The following CCDC169 variants were observed in gnomAD, a reference collection of about 807,000 sequenced individuals.
The protein encoded by CCDC169 is coiled-coil domain containing 169.
CCDC169 carries 30 observed loss-of-function variants against 36.0 expected under a neutral mutation model. The observed-to-expected ratio is 0.83, with a 90% CI of 0.62 to 1.13. CCDC169 has a LOEUF of 1.13. CCDC169 is among the 50% of genes most tolerant of loss of function. The pLI, the probability that CCDC169 is intolerant of heterozygous loss-of-function variation, is 0.00. For synonymous variants in CCDC169, 85 were observed against 81.5 expected (o/e 1.04, Z -0.23); for missense variants, 245 against 245.9 (o/e 1.00, Z 0.03).
intron 7 of CCDC169, among the ~76,000 whole-genome samples, chr13:36,241,678 G>T (rs1198561835): frequency 2.0e-5 from 3 of 152,140 alleles, no homozygotes; most frequent in Admixed American, 6.5e-5. Context: ...GAATAAAGCT[G>T]CTATGAACAT....
At chr13:36,241,743 T>A (rs1408259422) in intron 7 of CCDC169, among the ~76,000 whole-genome samples, 2 of 152,150 alleles carry the variant, frequency 1.3e-5, no homozygotes, top group Non-Finnish European at 2.9e-5. Context: ...ATTACTGGAA[T>A]TGTTGGGTTA....
At chr13:36,295,663 A>G (rs887505193) in intron 2 of CCDC169, 115 bp downstream of exon 2, 9 of 518,272 alleles carry the variant, frequency 1.7e-5, no homozygotes, top group Middle Eastern at 3.2e-4. Flanking sequence ...CCAAAAAGCA[A>G]TACTGAAATG....
At chr13:36,273,412 G>A (rs1014528191) in intron 4 of CCDC169, among the ~76,000 whole-genome samples, 6 of 152,224 alleles carry the variant, frequency 3.9e-5, no homozygotes, top group African/African-American at 9.6e-5. Flanking sequence ...TGTGAGATAG[G>A]AGCATGTAAG....
Position 36,297,681 on chromosome 13 carries a change from G to A in CCDC169, c.39C>T (p.Ser13=), listed in dbSNP as rs1879705735. 6.4e-7 allele frequency: 1 copy of A among 1,551,304 alleles called. No individual in the cohort carries two copies. The highest frequency in any genetic ancestry group is 8.7e-7 in the Non-Finnish European group (1 of 1,147,004). ...EERNYNFDGV[S]TNRLKQQLLE... is the part of the protein sequence containing the mutation. ...GCAACTGCTGTTTCAGGCGGTTGGT[G>A]CTCACACCGTCGAAGTTGTAGTTTC... Residue 13 remains serine, a synonymous_variant, in exon 1 of 8, where the codon AGC becomes AGT. Coordinates refer to ENST00000239859, the MANE Select transcript of CCDC169 (RefSeq NM_001144981.3).
In CCDC169 at chr13:36,271,650, C is replaced by T. The variant is rs114530979; in HGVS notation, c.315+11819G>A. 1.6e-3 allele frequency among the ~76,000 whole-genome samples: 238 copies of T among 152,214 alleles called. 1 individual carries two copies. Among genetic ancestry groups the T allele is most frequent in the African/African-American group, 5.5e-3 (228 of 41,526 alleles). Reference sequence around the variant, plus strand: ...AAGGGTAATATTCTAAGTGAAGTAACACAGGAGTAGAAAACCAAACACCGT... The same window carrying T: ...AAGGGTAATATTCTAAGTGAAGTAATACAGGAGTAGAAAACCAAACACCGT... On this transcript the variant is annotated intron_variant, in intron 4 of 7. Coordinates refer to ENST00000239859, the MANE Select transcript of CCDC169 (RefSeq NM_001144981.3).
intron 4 of CCDC169, among the ~76,000 whole-genome samples, chr13:36,255,813 A>T (rs1294048733): frequency 6.6e-6 from 1 of 152,180 alleles, no homozygotes; most frequent in Non-Finnish European, 1.5e-5. Flanking sequence ...TACCATTGTC[A>T]TCCACAGTCT....
At chr13:36,281,512 C>T (rs958597753) in intron 4 of CCDC169, among the ~76,000 whole-genome samples, 2 of 152,132 alleles carry the variant, frequency 1.3e-5, no homozygotes, top group African/African-American at 4.8e-5. Flanking sequence ...TTCACTCTCA[C>T]TTATGTGAAT....
At chr13:36,259,766 A>C (rs1874382749) in intron 4 of CCDC169, among the ~76,000 whole-genome samples, 1 of 152,202 alleles carries the variant, frequency 6.6e-6, no homozygotes, top group South Asian at 2.1e-4. Context: ...CCAAAGGTTG[A>C]AGTTTTCCTT....
Position 36,254,160 on chromosome 13 carries a change from T to C in CCDC169, c.316-17A>G. On this transcript the variant is annotated splice_polypyrimidine_tract_variant and intron_variant, in intron 4 of 7. Coordinates refer to ENST00000239859, the MANE Select transcript of CCDC169 (RefSeq NM_001144981.3). ...TAAGGATTCCTAAAAATATAAATAG[T>C]AAAATTTTATATGTACTCATGTTCT... The C allele has an allele frequency of 6.9e-7, 1 of 1,455,574 alleles. No homozygotes were observed. Among genetic ancestry groups the C allele is most frequent in the South Asian group, 1.3e-5 (1 of 74,384 alleles). The allele number at this position is 1,455,574 out of a possible 1,614,324, so 90.2% of individuals were successfully genotyped here.
At chr13:36,245,666 T>C (rs781346907) in intron 7 of CCDC169, among the ~76,000 whole-genome samples, 1 of 152,192 alleles carries the variant, frequency 6.6e-6, no homozygotes, top group Non-Finnish European at 1.5e-5. Flanking sequence ...CACTGTCACC[T>C]ACGTTTATTT....
At chr13:36,230,207 C>A (rs565244514), downstream of CCDC169, among the ~76,000 whole-genome samples, 2 of 152,210 alleles carry the variant, frequency 1.3e-5, no homozygotes, top group South Asian at 4.1e-4. Context: ...GTGAGAACAC[C>A]ATTAGCTGGA....
intron 2 of CCDC169, among the ~76,000 whole-genome samples, chr13:36,294,383 C>T (rs1239281781): frequency 1.3e-5 from 2 of 152,114 alleles, no homozygotes; most frequent in Non-Finnish European, 2.9e-5. Context: ...TGAGAGCCTG[C>T]CCCCAGAGAC....
intron 4 of CCDC169, 127 bp from the exon 5 acceptor site, chr13:36,254,270 A>C: frequency 2.2e-6 from 1 of 460,734 alleles, no homozygotes; most frequent in Non-Finnish European, 3.6e-6. Flanking sequence ...ATTCTATGAT[A>C]TGTACTTTTT....
At chr13:36,279,666 A>T (rs1185120614) in intron 4 of CCDC169, among the ~76,000 whole-genome samples, 1 of 152,168 alleles carries the variant, frequency 6.6e-6, no homozygotes, top group East Asian at 1.9e-4. Flanking sequence ...GCCTTAAAGC[A>T]GAGGCTGGCA....
chr13:36,296,372 C>A (rs1879489467), intron 1 of CCDC169, among the ~76,000 whole-genome samples: 1 of 152,188 alleles, frequency 6.6e-6, no homozygotes, highest in African/African-American at 2.4e-5. Flanking sequence ...GGATTACAGG[C>A]GTGAGCCACC....
At chr13:36,297,436 T>C (rs2281866) in intron 1 of CCDC169, among the ~76,000 whole-genome samples, 38,765 of 152,080 alleles carry the variant, frequency 0.25, 5,193 homozygotes, top group East Asian at 0.49. Context: ...GAAAGCTGCC[T>C]ACTTAACAAT....
intron 1 of CCDC169, among the ~76,000 whole-genome samples, chr13:36,296,497 A>T (rs921614161): frequency 6.6e-6 from 1 of 152,258 alleles, no homozygotes; most frequent in Non-Finnish European, 1.5e-5. Context: ...ACAGAAAGGC[A>T]TACCTAGGGC....
Position 36,230,885 on chromosome 13 carries a change from G to T in CCDC169, c.*308C>A, listed in dbSNP as rs535136509. ...CTAACAGTCAACTAGAAACCAAATA[G>T]AATAGCAACGTTACTATCAGAGCAG... On this transcript the variant is annotated 3_prime_UTR_variant, in exon 8 of 8. Transcript: ENST00000239859. 1 of 1,026,408 alleles carries T rather than the reference G, an allele frequency of 9.7e-7. No homozygotes were observed. The highest frequency in any genetic ancestry group is 1.7e-5 in the African/African-American group (1 of 58,906). The allele number at this position is 1,026,408 out of a possible 1,614,324, so 63.6% of individuals were successfully genotyped here. A position where few individuals can be genotyped will look rare whatever the true frequency, so the allele number is the denominator to read the frequency against.
downstream of CCDC169, among the ~76,000 whole-genome samples, chr13:36,228,312 A>G (rs1196486350): frequency 6.6e-6 from 1 of 152,156 alleles, no homozygotes; most frequent in Non-Finnish European, 1.5e-5. Context: ...TTTCACACTC[A>G]TGTCAATACT....
Sources: allele counts gnomAD v4.1 joint callset (sites outside exome capture counted in the v4.1 genomes callset), GRCh38; gene constraint gnomAD v4.1.1; transcripts MANE v1.5; gene names NCBI Gene and HGNC (gene_info 2026-07-23, HGNC 2026-07-21).